Variants in RSRC2 observed in about 807,000 individuals in gnomAD.
RSRC2 encodes arginine/serine-rich coiled-coil protein 2.
A neutral mutation model predicts 61.3 loss-of-function variants in RSRC2; 5 were observed. That is an observed-to-expected ratio of 0.08 (90% CI 0.04 to 0.17). RSRC2 has a LOEUF of 0.17. RSRC2 is among the 10% of genes least tolerant of loss of function. RSRC2 has a pLI of 1.00. For synonymous variants in RSRC2, 202 were observed against 166.5 expected (o/e 1.21, Z -1.64); for missense variants, 381 against 518.8 (o/e 0.73, Z 2.58).
chr12:122,514,263 TGTG>T (rs1184871337), intron 6 of RSRC2, among the ~76,000 whole-genome samples: 38 of 118,730 alleles, frequency 3.2e-4, no homozygotes, highest in Non-Finnish European at 6.4e-4. Context: ...TGTGTGTGTG[TGTG>T]TGTGTTTTTT....
intron 1 of RSRC2, 195 bp from the exon 2 acceptor site, chr12:122,522,494 C>A: frequency 2.2e-6 from 1 of 456,420 alleles, no homozygotes. Flanking sequence ...GATACTAAAG[C>A]AAGACCTACA....
intron 6 of RSRC2, among the ~76,000 whole-genome samples, chr12:122,513,560 C>T (rs1958689962): frequency 6.6e-6 from 1 of 152,034 alleles, no homozygotes; most frequent in Admixed American, 6.6e-5. Flanking sequence ...TTATGGCATT[C>T]AAGTAAATAA....
In RSRC2 at chr12:122,510,836, C is replaced by G. The variant is rs377187894; in HGVS notation, c.805+273G>C. 1.1e-4 allele frequency among the ~76,000 whole-genome samples: 17 copies of G among 152,118 alleles called. No homozygotes were observed. The East Asian group carries it at 2.9e-3, about 26-fold the overall frequency. ...CTGGGGCAGGAGGACTGCTTAAGCC[C>G]GAGATCAAGAATAGTCTTGGCAACA... On this transcript the variant is annotated intron_variant, in intron 7 of 9. Transcript: ENST00000331738.
chr12:122,524,840 A>G (rs1282663510), intron 1 of RSRC2, among the ~76,000 whole-genome samples: 1 of 152,262 alleles, frequency 6.6e-6, no homozygotes, highest in East Asian at 1.9e-4. Flanking sequence ...CTATGTGTAC[A>G]CATAAACGTT....
chr12:122,526,114 G>T (rs1428797051), intron 1 of RSRC2: 1 of 8,544 alleles, frequency 1.2e-4, no homozygotes, highest in Non-Finnish European at 2.0e-4. Flanking sequence ...GAGCCACCGC[G>T]CCCGGCCAAC....
Position 122,506,817 on chromosome 12 carries a change from G to A in RSRC2, c.1125+17C>T. On this transcript the variant is annotated intron_variant, in intron 9 of 9. Transcript: ENST00000331738. ...TAATAGCTAATACAAAGATCCCCTG[G>A]CACATGTGAAACTCACCTTAATACC... 1 of 1,437,220 alleles carries A rather than the reference G, an allele frequency of 7.0e-7. No individual in the cohort carries two copies. Among genetic ancestry groups the A allele is most frequent in the Non-Finnish European group, 9.8e-7 (1 of 1,020,936 alleles). The allele number at this position is 1,437,220 out of a possible 1,614,324, so 89.0% of individuals were successfully genotyped here.
intron 4 of RSRC2, among the ~76,000 whole-genome samples, chr12:122,518,346 A>G (rs1258742499): frequency 6.6e-6 from 1 of 152,138 alleles, no homozygotes; most frequent in East Asian, 1.9e-4. Context: ...TAATCCCAGC[A>G]CTTTGGGAGG....
At chr12:122,514,597 AAG>A (rs1473363879) in intron 6 of RSRC2, 2 of 1,031,696 alleles carry the variant, frequency 1.9e-6, no homozygotes, top group Non-Finnish European at 2.3e-6. Flanking sequence ...AAAAAAAAAA[AAG>A]TTCTCCCATA....
At chr12:122,515,054 A>G (rs749819648) in intron 6 of RSRC2, 51 bp downstream of exon 6, 4 of 1,578,122 alleles carry the variant, frequency 2.5e-6, no homozygotes, top group Non-Finnish European at 3.5e-6. Flanking sequence ...CACACAATTG[A>G]GCATTTATTT....
Position 122,517,243 on chromosome 12 carries a change from T to A in RSRC2, c.586A>T (p.Thr196Ser). The stretch of plus-strand genomic sequence containing the variant: ...GTCACCTACCGACTCCTACTCCTTG[T>A]CCTACTCCTGCTTCTAGTCCTATGC... ...HRHRTRSRSR[T>S]RSRSRDRKKR... Residue 196 changes from threonine to serine, a missense_variant, in exon 5 of 10, where the codon ACA becomes TCA. Coordinates refer to ENST00000331738, the MANE Select transcript of RSRC2 (RefSeq NM_023012.6). 1 of 1,614,170 alleles carries A rather than the reference T, an allele frequency of 6.2e-7. No individual in the cohort carries two copies. The highest frequency in any genetic ancestry group is 8.5e-7 in the Non-Finnish European group (1 of 1,180,022).
rs923820669 is a variant in RSRC2 at position 122,505,815 on chromosome 12, G to A, written c.1126-109C>T. Reference sequence around the variant, plus strand: ...TTTTTTTGAGATGGAGTCTTGCTCTGTTGTCCCGTCTGGAGTGCAGTGGTG... The same window carrying A: ...TTTTTTTGAGATGGAGTCTTGCTCTATTGTCCCGTCTGGAGTGCAGTGGTG... On this transcript the variant is annotated intron_variant, in intron 9 of 9. Coordinates refer to ENST00000331738, the MANE Select transcript of RSRC2 (RefSeq NM_023012.6). The A allele has an allele frequency of 7.0e-5, 66 of 939,596 alleles. No homozygotes were observed. The African/African-American group carries it at 8.9e-4, about 13-fold the overall frequency. The allele number at this position is 939,596 out of a possible 1,614,324, so 58.2% of individuals were successfully genotyped here.
rs117449129 is a variant in RSRC2, at chr12:122,508,290, G to T, written c.963C>A (p.Ala321=). ...GIAVPSYYNP[A]AVNPMKFAEQ... is the part of the protein sequence containing the mutation. The stretch of plus-strand genomic sequence containing the variant: ...CAGCAAATTTCATTGGATTAACAGC[G>T]GCTGGGTTATAGTAGCTAGGAACAG... Residue 321 remains alanine, a synonymous_variant, in exon 8 of 10, where the codon GCC becomes GCA. Coordinates refer to ENST00000331738, the MANE Select transcript of RSRC2 (RefSeq NM_023012.6). 38 of 1,614,028 alleles carry T rather than the reference G, an allele frequency of 2.4e-5. No individual in the cohort carries two copies. The East Asian group carries it at 7.1e-4, about 30-fold the overall frequency.
chr12:122,517,271 G>A lies in RSRC2; in HGVS notation c.558C>T (p.His186=). The A allele has an allele frequency of 6.2e-7, 1 of 1,614,086 alleles. No individual in the cohort carries two copies. Among genetic ancestry groups the A allele is most frequent in the Non-Finnish European group, 8.5e-7 (1 of 1,180,034 alleles). The change falls in exon 5 of 10, where the codon CAC becomes CAT. Residue 186 remains histidine, a synonymous_variant. Coordinates refer to ENST00000331738, the MANE Select transcript of RSRC2 (RefSeq NM_023012.6). ...TACTCCTGCTTCTAGTCCTATGCCT[G>A]TGTCTTGATCTTGAGCGGGAACGAG... The part of the protein sequence containing the change: ...IRSRSRSRSR[H]RHRTRSRSRT...
chr12:122,514,508 C>T (rs528373863), intron 6 of RSRC2: 19 of 747,872 alleles, frequency 2.5e-5, no homozygotes, highest in Non-Finnish European at 3.1e-5. Flanking sequence ...TCAAGTGATC[C>T]GCCCGCCTCG....
chr12:122,514,393 T>C (rs954793582), intron 6 of RSRC2, among the ~76,000 whole-genome samples: 1 of 151,202 alleles, frequency 6.6e-6, no homozygotes, highest in Non-Finnish European at 1.5e-5. Context: ...GCCTCCAGAG[T>C]AGCTGGGATT....
intron 1 of RSRC2, among the ~76,000 whole-genome samples, chr12:122,522,631 C>A (rs889923491): frequency 6.6e-5 from 10 of 152,220 alleles, no homozygotes; most frequent in East Asian, 3.9e-4. Context: ...GAAAATAGTC[C>A]TTTTTAGATG....
chr12:122,513,460 G>T (rs1237188004), intron 6 of RSRC2, among the ~76,000 whole-genome samples: 1 of 151,816 alleles, frequency 6.6e-6, no homozygotes, highest in Admixed American at 6.6e-5. Flanking sequence ...TTATCTGAAA[G>T]ATCACCAAGT....
intron 2 of RSRC2, 114 bp from the exon 3 acceptor site, chr12:122,521,542 A>G (rs1194472959): frequency 1.2e-6 from 1 of 832,862 alleles, no homozygotes; most frequent in Non-Finnish European, 2.0e-6. Flanking sequence ...TCCAATGACT[A>G]ATTTTTTCAT....
intron 1 of RSRC2, among the ~76,000 whole-genome samples, chr12:122,523,927 G>A (rs1959644117): frequency 6.6e-6 from 1 of 152,164 alleles, no homozygotes; most frequent in Non-Finnish European, 1.5e-5. Context: ...TGAGATGAAA[G>A]ACATAAATTA....
Sources: gnomAD v4.1 joint callset for allele counts (sites outside exome capture counted in the v4.1 genomes callset) on GRCh38, gnomAD v4.1.1 for gene constraint, MANE v1.5 for transcripts, NCBI Gene and HGNC (gene_info 2026-07-23, HGNC 2026-07-21) for gene names.